MTDH: variants seen among roughly 807,000 people sequenced by gnomAD.
MTDH encodes the protein metadherin.
A neutral mutation model predicts 72.7 loss-of-function variants in MTDH; 34 were observed. The ratio of observed to expected loss-of-function variants is 0.47; its 90% CI spans 0.36 to 0.62. The LOEUF (loss-of-function observed/expected upper bound fraction) is 0.62, where lower values mean the gene tolerates loss of function less well. Among genes scored for constraint, MTDH ranks in the 20% least tolerant of loss-of-function variants. The pLI, the probability that MTDH is intolerant of heterozygous loss-of-function variation, is 0.00. For missense variants in MTDH, 677 were observed against 699.4 expected, an observed-to-expected ratio of 0.97 and a Z score of 0.36; for synonymous variants, 266 against 268.9, an observed-to-expected ratio of 0.99 and a Z score of 0.10.
chr8:97,670,501 A>G (rs1464053003), intron 2 of MTDH, among the ~76,000 whole-genome samples: 1 of 152,050 alleles, frequency 6.6e-6, no homozygotes, highest in Non-Finnish European at 1.5e-5. Flanking sequence ...GTGTGCCCGT[A>G]TAATCCCAGC....
At chr8:97,666,438 A>G (rs1456858947) in intron 2 of MTDH, among the ~76,000 whole-genome samples, 1 of 152,218 alleles carries the variant, frequency 6.6e-6, no homozygotes, top group African/African-American at 2.4e-5. Context: ...GTCCAGGAAC[A>G]CATAGCTGAT....
Position 97,719,044 on chromosome 8 carries a change from T to C in MTDH, c.1381-5T>C. 6.3e-7 allele frequency: 1 copy of C among 1,593,310 alleles called. No homozygotes were observed. The highest frequency in any genetic ancestry group is 8.5e-7 in the Non-Finnish European group (1 of 1,169,634). ...TATAATCTAATAGGTTATTTTTCTC[T>C]ATAGGACACAGAAGAATTAGAAAAA... On this transcript the variant is annotated splice_polypyrimidine_tract_variant and splice_region_variant and intron_variant, in intron 9 of 11. Transcript: ENST00000336273.
chr8:97,646,792 G>A (rs1811580736), intron 1 of MTDH, among the ~76,000 whole-genome samples: 1 of 152,184 alleles, frequency 6.6e-6, no homozygotes, highest in African/African-American at 2.4e-5. Flanking sequence ...GTGGAGAATG[G>A]GAAGACTGTA....
intron 7 of MTDH, 27 bp downstream of exon 7, chr8:97,699,879 A>AT (rs76537339): frequency 9.7e-5 from 141 of 1,461,084 alleles, no homozygotes; most frequent in Admixed American, 1.4e-4. Flanking sequence ...ATTATCAGTT[A>AT]TTTTTTTTCA....
At chr8:97,709,373 A>G (rs529060936) in intron 8 of MTDH, among the ~76,000 whole-genome samples, 1 of 152,306 alleles carries the variant, frequency 6.6e-6, no homozygotes, top group East Asian at 1.9e-4. Context: ...CTTAATACAT[A>G]GTGATCATTC....
intron 1 of MTDH, among the ~76,000 whole-genome samples, chr8:97,660,160 A>G (rs1337133494): frequency 1.4e-5 from 2 of 139,090 alleles, no homozygotes; most frequent in African/African-American, 2.5e-5. Context: ...ACTCCGTCTC[A>G]AAAAAAAGGT....
intron 2 of MTDH, among the ~76,000 whole-genome samples, chr8:97,676,331 C>T (rs1812845139): frequency 6.6e-6 from 1 of 152,142 alleles, no homozygotes. Flanking sequence ...AATAGTGTCA[C>T]TTAAAATTTG....
At chr8:97,675,332 G>A (rs1270970749) in intron 2 of MTDH, among the ~76,000 whole-genome samples, 1 of 152,100 alleles carries the variant, frequency 6.6e-6, no homozygotes, top group East Asian at 1.9e-4. Flanking sequence ...AGGCTGAGGT[G>A]GGTAGATCAC....
chr8:97,721,948 CT>C (rs1264992721), intron 10 of MTDH, among the ~76,000 whole-genome samples: 7 of 152,200 alleles, frequency 4.6e-5, no homozygotes, highest in African/African-American at 1.7e-4. Context: ...GAAGCTGTTG[CT>C]GCTGCTATTT....
chr8:97,662,958 ATAAT>A (rs1222903396), intron 2 of MTDH, among the ~76,000 whole-genome samples: 1 of 152,050 alleles, frequency 6.6e-6, no homozygotes, highest in Non-Finnish European at 1.5e-5. Context: ...GTTTTGGGAA[ATAAT>A]TAAATTTATG....
chr8:97,664,376 A>G (rs1430465943), intron 2 of MTDH, among the ~76,000 whole-genome samples: 1 of 151,962 alleles, frequency 6.6e-6, no homozygotes, highest in Non-Finnish European at 1.5e-5. Context: ...AAATGGATGC[A>G]GTTTCTGGAC....
intron 6 of MTDH, among the ~76,000 whole-genome samples, chr8:97,694,650 G>A (rs1440775354): frequency 6.6e-6 from 1 of 152,194 alleles, no homozygotes; most frequent in Non-Finnish European, 1.5e-5. Context: ...GCCTGGGCAT[G>A]GTGGCTCATG....
chr8:97,653,615 C>A (rs1242452434), intron 1 of MTDH, among the ~76,000 whole-genome samples: 1 of 152,098 alleles, frequency 6.6e-6, no homozygotes, highest in East Asian at 1.9e-4. Context: ...CCAAGAACAA[C>A]AATAAACCCT....
chr8:97,657,940 T>C (rs1471655369), intron 1 of MTDH, among the ~76,000 whole-genome samples: 1 of 152,228 alleles, frequency 6.6e-6, no homozygotes, highest in Non-Finnish European at 1.5e-5. Flanking sequence ...AGGGATTTGC[T>C]AATTTAAGTA....
At chr8:97,666,962 G>A (rs767842385) in intron 2 of MTDH, among the ~76,000 whole-genome samples, 36 of 152,084 alleles carry the variant, frequency 2.4e-4, no homozygotes, top group Non-Finnish European at 4.9e-4. Context: ...CTCCCAAAGT[G>A]CTGGGATTAT....
chr8:97,697,682 G>T (rs1813924139), intron 6 of MTDH, among the ~76,000 whole-genome samples: 1 of 152,030 alleles, frequency 6.6e-6, no homozygotes, highest in Admixed American at 6.6e-5. Flanking sequence ...ACCGCACCTG[G>T]CCTGATTTTT....
chr8:97,724,683 T>C lies in MTDH; in HGVS notation c.*13T>C. 6.3e-7 allele frequency: 1 copy of C among 1,576,456 alleles called. No homozygotes were observed. Among genetic ancestry groups the C allele is most frequent in the African/African-American group, 1.4e-5 (1 of 73,234 alleles). On this transcript the variant is annotated 3_prime_UTR_variant, in exon 12 of 12. Transcript: ENST00000336273. ...ACGAGAAACGTGAAATTTTTTTTCC[T>C]GAATTGGACATGTGTTTGCAAACAC... is the stretch of plus-strand genomic sequence containing the variant.
At position 97,706,900 on chromosome 8, in the gene MTDH, G is replaced by T. The variant is rs535049305; in HGVS notation, c.1272+150G>T. On this transcript the variant is annotated intron_variant, in intron 8 of 11. Coordinates refer to ENST00000336273, the MANE Select transcript of MTDH (RefSeq NM_178812.4). ...TCAAGGCCAGCCTGGGCAACATAGC[G>T]AGACCCCATCTCTATTTATAAAAAT... is the stretch of plus-strand genomic sequence containing the variant. The T allele has an allele frequency of 1.5e-4, 117 of 785,306 alleles. 1 individual carries two copies. Among genetic ancestry groups the T allele is most frequent in the Admixed American group, 5.2e-4 (16 of 30,772 alleles). 48.6% of individuals were successfully genotyped at this position (785,306 alleles called of 1,614,324 possible). A position where few individuals can be genotyped will look rare whatever the true frequency, so the allele number is the denominator to read the frequency against.
chr8:97,690,163 G>A (rs996958084), intron 5 of MTDH, among the ~76,000 whole-genome samples: 1 of 151,172 alleles, frequency 6.6e-6, no homozygotes, highest in East Asian at 2.0e-4. Context: ...GGCTAATTTT[G>A]TGTTTTTAGT....
Sources: allele counts gnomAD v4.1 joint callset (sites outside exome capture counted in the v4.1 genomes callset), GRCh38; gene constraint gnomAD v4.1.1; transcripts MANE v1.5; gene names NCBI Gene and HGNC (gene_info 2026-07-23, HGNC 2026-07-21).